TBPL2: variants seen among roughly 807,000 people sequenced by gnomAD.
TBPL2 encodes TATA box-binding protein-like 2.
A neutral mutation model predicts 38.2 loss-of-function variants in TBPL2; 40 were observed. The observed-to-expected ratio is 1.05, with a 90% CI of 0.81 to 1.36. The LOEUF (loss-of-function observed/expected upper bound fraction) is 1.36, where lower values mean the gene tolerates loss of function less well. Among genes scored for constraint, TBPL2 ranks in the 40% most tolerant of loss-of-function variants. TBPL2 has a pLI of 0.00. For missense variants in TBPL2, 461 were observed against 456.7 expected, an observed-to-expected ratio of 1.01 and a Z score of -0.09; for synonymous variants, 169 against 171.7, an observed-to-expected ratio of 0.98 and a Z score of 0.12.
intron 1 of TBPL2, among the ~76,000 whole-genome samples, chr14:55,439,614 A>ACCCCCCCCCCCC (rs576819393): frequency 1.2e-5 from 1 of 84,510 alleles, no homozygotes; most frequent in Non-Finnish European, 2.5e-5. Flanking sequence ...AGAAAAGCAA[A>ACCCCCCCCCCCC]CCCCCCCCCG....
intron 4 of TBPL2, among the ~76,000 whole-genome samples, chr14:55,433,131 ATTAT>A (rs1885958598): frequency 1.3e-5 from 2 of 151,874 alleles, no homozygotes; most frequent in African/African-American, 4.8e-5. Flanking sequence ...TCAGTATTTT[ATTAT>A]TTTTTTTAAT....
intron 5 of TBPL2, among the ~76,000 whole-genome samples, chr14:55,428,119 CTTTTTTTTTTTTT>C (rs567342581): frequency 9.2e-5 from 4 of 43,332 alleles, no homozygotes; most frequent in African/African-American, 2.3e-4. Context: ...CATGCCTTAT[CTTTTTTTTTTTTT>C]TTTTTTTTTT....
Position 55,414,460 on chromosome 14 carries a change from A to G in TBPL2, c.1052-5T>C, listed in dbSNP as rs1885639959. ...TCTCAGAACGTTCTTTGGCACCTAT[A>G]AAGAAATCCAGGTTTATATAATTTT... On this transcript the variant is annotated splice_polypyrimidine_tract_variant and splice_region_variant and intron_variant, in intron 6 of 6. Coordinates refer to ENST00000247219, the Ensembl canonical transcript of TBPL2. 5 of 1,593,486 alleles carry G rather than the reference A, an allele frequency of 3.1e-6. No individual in the cohort carries two copies. The Admixed American group carries it at 7.0e-5, about 22-fold the overall frequency.
intron 5 of TBPL2, among the ~76,000 whole-genome samples, chr14:55,424,733 G>A (rs761664806): frequency 7.2e-5 from 11 of 152,188 alleles, no homozygotes; most frequent in Non-Finnish European, 1.3e-4. Flanking sequence ...TTGAACAGGT[G>A]CTATATAAAT....
intron 3 of TBPL2, among the ~76,000 whole-genome samples, chr14:55,434,443 G>A (rs553423623): frequency 5.9e-5 from 9 of 152,262 alleles, no homozygotes; most frequent in Non-Finnish European, 1.3e-4. Flanking sequence ...CCCCGGTTAA[G>A]CTAGGAAGGA....
chr14:55,420,219 C>G (rs1231203094), intron 6 of TBPL2, among the ~76,000 whole-genome samples: 1 of 152,184 alleles, frequency 6.6e-6, no homozygotes, highest in Non-Finnish European at 1.5e-5. Context: ...TACAGGCACG[C>G]ACCACAATGC....
intron 3 of TBPL2, among the ~76,000 whole-genome samples, chr14:55,435,425 G>A (rs1885997760): frequency 2.0e-5 from 3 of 151,964 alleles, no homozygotes; most frequent in African/African-American, 4.8e-5. Context: ...ACAGGCACCC[G>A]CCACAACATC....
exon 5 of TBPL2, chr14:55,428,867 C>T (rs374896314): frequency 5.6e-6 from 9 of 1,614,088 alleles, no homozygotes; most frequent in African/African-American, 1.3e-5. Flanking sequence ...TCTCACATCA[C>T]AGCTTCCAAC....
At chr14:55,424,537 G>A (rs150652161) in intron 5 of TBPL2, among the ~76,000 whole-genome samples, 1 of 152,182 alleles carries the variant, frequency 6.6e-6, no homozygotes, top group Non-Finnish European at 1.5e-5. Context: ...AGTGTATTGA[G>A]AGCTTGTTGG....
rs1007598728 is a variant in TBPL2, at chr14:55,437,652, A to G, written c.151-634T>C. Among the ~76,000 whole-genome samples, 82 of 152,256 alleles carry G rather than the reference A, an allele frequency of 5.4e-4. 1 individual carries two copies. Among genetic ancestry groups the G allele is most frequent in the Non-Finnish European group, 1.6e-4 (11 of 68,044 alleles). On this transcript the variant is annotated intron_variant, in intron 1 of 6. Transcript: ENST00000247219. Reference sequence around the variant, plus strand: ...AGGCAATTGAGCAACCATGCTCTAAATTGTTGTATACTTTGAAGAGAACAG... The same window carrying G: ...AGGCAATTGAGCAACCATGCTCTAAGTTGTTGTATACTTTGAAGAGAACAG...
exon 6 of TBPL2, chr14:55,424,189 T>C: frequency 6.2e-7 from 1 of 1,613,436 alleles, no homozygotes. Context: ...GATACAAAGA[T>C]AAGCAACACA....
At chr14:55,417,803 A>G (rs1293466193) in intron 6 of TBPL2, among the ~76,000 whole-genome samples, 1 of 152,212 alleles carries the variant, frequency 6.6e-6, no homozygotes, top group Non-Finnish European at 1.5e-5. Context: ...GGGAATAAAT[A>G]CCATTCCTAA....
chr14:55,420,003 C>A (rs1282729752), intron 6 of TBPL2, among the ~76,000 whole-genome samples: 1 of 152,206 alleles, frequency 6.6e-6, no homozygotes. Flanking sequence ...AGGGAGGAGC[C>A]TGAAAGGAGA....
Position 55,424,128 on chromosome 14 carries a change from TTA to T in TBPL2, c.1051+29_1051+30del, listed in dbSNP as rs1269120524. On this transcript the variant is annotated intron_variant, in intron 6 of 6. Coordinates refer to ENST00000247219, the Ensembl canonical transcript of TBPL2. ...AAAGCACATGCATAGCAATTACATT[TTA>T]TGAGTCAGAAAATAATCTTAGCACT... 3 of 1,516,272 alleles carry T rather than the reference TTA, an allele frequency of 2.0e-6. No homozygotes were observed. The African/African-American group carries it at 4.1e-5, about 21-fold the overall frequency. 93.9% of individuals were successfully genotyped at this position (1,516,272 alleles called of 1,614,324 possible).
chr14:55,431,363 T>C (rs1885922507), intron 4 of TBPL2, among the ~76,000 whole-genome samples: 1 of 152,254 alleles, frequency 6.6e-6, no homozygotes, highest in East Asian at 1.9e-4. Context: ...AACATGAGCA[T>C]ATTTTACAAT....
At chr14:55,427,913 C>A (rs1885853463) in intron 5 of TBPL2, among the ~76,000 whole-genome samples, 2 of 140,450 alleles carry the variant, frequency 1.4e-5, no homozygotes, top group Non-Finnish European at 3.0e-5. Flanking sequence ...CGGAGTCTGG[C>A]TGTGGCCCGG....
At chr14:55,437,842 A>G (rs1886040619) in intron 1 of TBPL2, among the ~76,000 whole-genome samples, 1 of 152,236 alleles carries the variant, frequency 6.6e-6, no homozygotes, top group South Asian at 2.1e-4. Flanking sequence ...GCAAAGGCGT[A>G]ATAAGAATTC....
intron 3 of TBPL2, among the ~76,000 whole-genome samples, chr14:55,434,520 G>A (rs1338582076): frequency 6.6e-6 from 1 of 152,180 alleles, no homozygotes; most frequent in Non-Finnish European, 1.5e-5. Context: ...CAAGTTCAGA[G>A]AGATCCTATA....
intron 6 of TBPL2, among the ~76,000 whole-genome samples, chr14:55,415,831 A>G (rs1266558675): frequency 6.6e-6 from 1 of 152,074 alleles, no homozygotes; most frequent in African/African-American, 2.4e-5. Context: ...GCACCATTAC[A>G]CTCCAGCCTG....
Sources: allele counts gnomAD v4.1 joint callset (sites outside exome capture counted in the v4.1 genomes callset), GRCh38; gene constraint gnomAD v4.1.1; transcripts MANE v1.5; gene names NCBI Gene and HGNC (gene_info 2026-07-23, HGNC 2026-07-21).